The following UPK3A variants were observed in gnomAD, a reference collection of about 807,000 sequenced individuals.
UPK3A encodes uroplakin 3A, also known as uroplakin-3a.
A neutral mutation model predicts 27.6 loss-of-function variants in UPK3A; 32 were observed. The observed-to-expected ratio is 1.16, with a 90% CI of 0.87 to 1.55. The LOEUF (loss-of-function observed/expected upper bound fraction) is 1.55, where lower values mean the gene tolerates loss of function less well. Among genes scored for constraint, UPK3A ranks in the 40% most tolerant of loss-of-function variants. The pLI is 0.00. For missense variants in UPK3A, 370 were observed against 367.9 expected (o/e 1.01, Z -0.05); for synonymous variants, 171 against 163.9 (o/e 1.04, Z -0.33).
At chr22:45,286,642 CAACA>C (rs2084120091) in intron 2 of UPK3A, among the ~76,000 whole-genome samples, 1 of 152,216 alleles carries the variant, frequency 6.6e-6, no homozygotes, top group African/African-American at 2.4e-5. Context: ...CAGTCATTTA[CAACA>C]GCTCATTCGG....
chr22:45,288,420 G>A (rs2084134866), intron 3 of UPK3A, among the ~76,000 whole-genome samples: 1 of 152,108 alleles, frequency 6.6e-6, no homozygotes. Context: ...GAATGGTCTC[G>A]ATCTCCTGAC....
intron 5 of UPK3A, 106 bp from the exon 6 acceptor site, chr22:45,295,454 C>A: frequency 8.1e-7 from 1 of 1,234,594 alleles, no homozygotes; most frequent in Non-Finnish European, 1.2e-6. Flanking sequence ...TCTACGAAGA[C>A]GATATCTGTG....
rs2084191720 is a variant in UPK3A at position 45,295,815 on chromosome 22, A to T, written c.*96A>T. On this transcript the variant is annotated 3_prime_UTR_variant, in exon 6 of 6. Transcript: ENST00000216211. ...CACACCCTGACTTCAGGGAAGGTGAAACAGGGCTTGTCCCTCCAACTGCAG... is the reference window on the plus strand; with the variant it reads ...CACACCCTGACTTCAGGGAAGGTGATACAGGGCTTGTCCCTCCAACTGCAG... The T allele has an allele frequency of 6.8e-7, 1 of 1,474,664 alleles. No homozygotes were observed. The highest frequency in any genetic ancestry group is 1.4e-5 in the African/African-American group (1 of 71,528). 91.3% of individuals were successfully genotyped at this position (1,474,664 alleles called of 1,614,324 possible).
chr22:45,285,004 C>A lies in UPK3A; in HGVS notation c.-10C>A, dbSNP rs1251370094. On this transcript the variant is annotated 5_prime_UTR_variant, in exon 1 of 6. Coordinates refer to ENST00000216211, the MANE Select transcript of UPK3A (RefSeq NM_006953.4). The stretch of plus-strand genomic sequence containing the variant: ...CGCCCGCCCCGCGCTCTGGCGGCTC[C>A]TCCCGGGCGATGCCTCCGCTCTGGG... 1 of 1,530,806 alleles carries A rather than the reference C, an allele frequency of 6.5e-7. No homozygotes were observed. The highest frequency in any genetic ancestry group is 2.5e-5 in the East Asian group (1 of 40,712). The allele number at this position is 1,530,806 out of a possible 1,614,324, so 94.8% of individuals were successfully genotyped here. A position where few individuals can be genotyped will look rare whatever the true frequency, so the allele number is the denominator to read the frequency against.
At chr22:45,293,078 T>C in intron 4 of UPK3A, 103 bp from the exon 5 acceptor site, 25 of 1,558,348 alleles carry the variant, frequency 1.6e-5, no homozygotes, top group Non-Finnish European at 2.0e-5. Context: ...GGGTCATCCC[T>C]GGATCCCCGG....
intron 5 of UPK3A, 135 bp from the exon 6 acceptor site, chr22:45,295,425 T>C (rs2084188272): frequency 2.0e-6 from 2 of 990,638 alleles, no homozygotes; most frequent in African/African-American, 1.6e-5. Context: ...TCCAGAAAGA[T>C]GGATTGATTG....
At chr22:45,290,374 G>A (rs1359034387) in intron 4 of UPK3A, among the ~76,000 whole-genome samples, 6 of 152,210 alleles carry the variant, frequency 3.9e-5, no homozygotes, top group African/African-American at 9.6e-5. Flanking sequence ...CCCCAGGGGC[G>A]TGGGGGGCTC....
chr22:45,295,505 G>T (rs1262050694), intron 5 of UPK3A, 55 bp from the exon 6 acceptor site: 16 of 1,599,920 alleles, frequency 1.0e-5, no homozygotes, highest in Non-Finnish European at 1.4e-5. Flanking sequence ...GCAGCTAAAG[G>T]CATTTGGGTT....
At chr22:45,287,865 T>C (rs552365547) in intron 3 of UPK3A, among the ~76,000 whole-genome samples, 26 of 152,138 alleles carry the variant, frequency 1.7e-4, no homozygotes, top group Non-Finnish European at 3.5e-4. Flanking sequence ...GGTTTCATCA[T>C]GTTGGTCAAG....
At chr22:45,291,507 A>G (rs1239749128) in intron 4 of UPK3A, among the ~76,000 whole-genome samples, 2 of 135,980 alleles carry the variant, frequency 1.5e-5, no homozygotes, top group South Asian at 4.7e-4. Flanking sequence ...TGAGTGTGAG[A>G]GTGTGTGTGT....
intron 1 of UPK3A, 131 bp downstream of exon 1, chr22:45,285,196 G>T: frequency 1.2e-6 from 1 of 849,722 alleles, no homozygotes; most frequent in Non-Finnish European, 1.8e-6. Context: ...AATAGTGATA[G>T]CCAACGTTTA....
chr22:45,290,522 G>T lies in UPK3A; in HGVS notation c.571+1379G>T, dbSNP rs566010855. Reference sequence around the variant, plus strand: ...TGGCGTGTGGTAACTGTATAATGTAGTTTACGGTGTTGCGTATGTGTGTGA... The same window carrying T: ...TGGCGTGTGGTAACTGTATAATGTATTTTACGGTGTTGCGTATGTGTGTGA... On this transcript the variant is annotated intron_variant, in intron 4 of 5. Coordinates refer to ENST00000216211, the MANE Select transcript of UPK3A (RefSeq NM_006953.4). Among the ~76,000 whole-genome samples, 84 of 152,204 alleles carry T rather than the reference G, an allele frequency of 5.5e-4. 1 individual carries two copies. The South Asian group carries it at 0.017, about 31-fold the overall frequency.
rs150598171 is a variant in UPK3A, at chr22:45,287,319, T to G, written c.356T>G (p.Ile119Ser). Reference protein sequence around the residue: ...PCSDLPSLDAIGDVSKASQIL... With the variant: ...PCSDLPSLDASGDVSKASQIL... ...AGTGACCTGCCCAGCCTGGATGCCA[T>G]TGGGGATGTGTCCAAGGCCTCACAG... The change falls in exon 3 of 6, where the codon ATT (isoleucine) becomes AGT (serine). Residue 119 changes from isoleucine to serine, a missense_variant. Physicochemically the swap from Ile to Ser is moderately radical, Grantham distance 142. Transcript: ENST00000216211. 22 of 1,614,090 alleles carry G rather than the reference T, an allele frequency of 1.4e-5. No individual in the cohort carries two copies. The highest frequency in any genetic ancestry group is 1.8e-5 in the Non-Finnish European group (21 of 1,180,040).
chr22:45,290,325 C>A (rs2084151467), intron 4 of UPK3A, among the ~76,000 whole-genome samples: 1 of 152,188 alleles, frequency 6.6e-6, no homozygotes, highest in South Asian at 2.1e-4. Context: ...GGGTCCTGTG[C>A]ATTTCACCTG....
rs765468864 is a variant in UPK3A at position 45,289,099 on chromosome 22, T to C, written c.527T>C (p.Val176Ala). The change falls in exon 4 of 6, where the codon GTA becomes GCA. Residue 176 changes from valine to alanine, a missense_variant. Physicochemically the swap from Val to Ala is moderately conservative, Grantham distance 64. Coordinates refer to ENST00000216211, the MANE Select transcript of UPK3A (RefSeq NM_006953.4). ...YVLVNMSTGL[V>A]EDQTLWSDPI... is the part of the protein sequence containing the mutation. ...CTGGTCAATATGTCCACGGGCTTGG[T>C]AGAGGACCAGACCCTGTGGTCAGAC... 3 of 1,613,950 alleles carry C rather than the reference T, an allele frequency of 1.9e-6. No individual in the cohort carries two copies. Among genetic ancestry groups the C allele is most frequent in the Non-Finnish European group, 2.5e-6 (3 of 1,180,004 alleles).
In UPK3A at chr22:45,295,825, G is replaced by A; in HGVS notation, c.*106G>A. 9 of 1,385,906 alleles carry A rather than the reference G, an allele frequency of 6.5e-6. No homozygotes were observed. Among genetic ancestry groups the A allele is most frequent in the Non-Finnish European group, 9.1e-6 (9 of 994,254 alleles). The allele number at this position is 1,385,906 out of a possible 1,614,324, so 85.9% of individuals were successfully genotyped here. ...CTTCAGGGAAGGTGAAACAGGGCTT[G>A]TCCCTCCAACTGCAGGAAAACCCTT... On this transcript the variant is annotated 3_prime_UTR_variant, in exon 6 of 6. Coordinates refer to ENST00000216211, the MANE Select transcript of UPK3A (RefSeq NM_006953.4).
In UPK3A at chr22:45,295,622, C is replaced by T. The variant is rs1284369495; in HGVS notation, c.767C>T (p.Pro256Leu). 6.2e-7 allele frequency: 1 copy of T among 1,613,882 alleles called. No individual in the cohort carries two copies. The highest frequency in any genetic ancestry group is 1.3e-5 in the African/African-American group (1 of 74,866). ...HDSQITQEAV[P>L]KSLGASESSY... The stretch of plus-strand genomic sequence containing the variant: ...TCCCAAATCACTCAGGAGGCTGTTC[C>T]CAAGTCGCTGGGGGCCTCGGAGTCT... Residue 256 changes from proline (P) to leucine (L), a missense_variant, in exon 6 of 6, where the codon CCC (proline) becomes CTC (leucine). Coordinates refer to ENST00000216211, the MANE Select transcript of UPK3A (RefSeq NM_006953.4).
intron 2 of UPK3A, among the ~76,000 whole-genome samples, chr22:45,286,445 A>T (rs1475214756): frequency 6.6e-6 from 1 of 152,080 alleles, no homozygotes; most frequent in Non-Finnish European, 1.5e-5. Flanking sequence ...TGGAGAGTGA[A>T]TCCTGATCTC....
chr22:45,285,158 T>C, intron 1 of UPK3A, 93 bp downstream of exon 1: 1 of 1,218,036 alleles, frequency 8.2e-7, no homozygotes, highest in Non-Finnish European at 1.1e-6. Flanking sequence ...TTCCTGGCGC[T>C]GGGGACCCAG....
Sources: gnomAD v4.1 joint callset for allele counts (sites outside exome capture counted in the v4.1 genomes callset) on GRCh38, gnomAD v4.1.1 for gene constraint, MANE v1.5 for transcripts, NCBI Gene and HGNC (gene_info 2026-07-23, HGNC 2026-07-21) for gene names.